Variants in DIP2C observed in about 807,000 individuals in gnomAD.
DIP2C encodes DIP2 acetate--CoA ligase C (putative), also known as disco-interacting protein 2 homolog C.
Under a neutral mutation model 192.4 loss-of-function variants are expected in DIP2C, and 33 were observed. That is an observed-to-expected ratio of 0.17 (90% CI 0.13 to 0.23). The LOEUF is 0.23. Among genes scored for constraint, DIP2C ranks in the 10% least tolerant of loss-of-function variants. The probability of loss-of-function intolerance (pLI) is 1.00; values close to 1 mark genes in which losing one functional copy is unlikely to be tolerated. For missense variants in DIP2C, 1,537 were observed against 2,110.1 expected (o/e 0.73, Z 5.32); for synonymous variants, 979 against 864.1 (o/e 1.13, Z -2.33).
At position 561,122 on chromosome 10, in the gene DIP2C, A is replaced by G. The variant is rs373973245; in HGVS notation, c.86-74592T>C. Reference sequence around the variant, plus strand: ...TGTCTCATGTCTCCCTAAAAGGTACAAAACCAGGCTGTGCTCTGACCACCT... The same window carrying G: ...TGTCTCATGTCTCCCTAAAAGGTACGAAACCAGGCTGTGCTCTGACCACCT... On this transcript the variant is annotated intron_variant, in intron 1 of 36. Coordinates refer to ENST00000280886, the MANE Select transcript of DIP2C (RefSeq NM_014974.3). 5.7e-4 allele frequency among the ~76,000 whole-genome samples: 87 copies of G among 152,360 alleles called. 1 individual carries two copies. The highest frequency in any genetic ancestry group is 2.0e-3 in the African/African-American group (85 of 41,574).
intron 1 of DIP2C, among the ~76,000 whole-genome samples, chr10:681,125 A>G (rs7083682): frequency 0.045 from 6,854 of 152,108 alleles, 473 homozygotes; most frequent in African/African-American, 0.15. Context: ...ATTCCGAGGA[A>G]TGCAGACCCT....
At chr10:506,722 C>G (rs531133577) in intron 1 of DIP2C, among the ~76,000 whole-genome samples, 5 of 152,210 alleles carry the variant, frequency 3.3e-5, no homozygotes, top group African/African-American at 1.2e-4. Context: ...TTCTATTTGC[C>G]GGCCACAGCC....
rs1845242657 is a variant in DIP2C, at chr10:501,713, A to G, written c.86-15183T>C. 3.3e-5 allele frequency among the ~76,000 whole-genome samples: 5 copies of G among 152,310 alleles called. No homozygotes were observed. The South Asian group carries it at 1.0e-3, about 32-fold the overall frequency. On this transcript the variant is annotated intron_variant, in intron 1 of 36. Coordinates refer to ENST00000280886, the MANE Select transcript of DIP2C (RefSeq NM_014974.3). ...CGGAGAAACACAACTGAGTGAAATT[A>G]CATTGAATTCAACACATAGGCACCG...
intron 1 of DIP2C, among the ~76,000 whole-genome samples, chr10:579,862 T>C (rs1236363124): frequency 1.3e-5 from 2 of 152,050 alleles, no homozygotes; most frequent in Admixed American, 6.5e-5. Context: ...TGTACATGCA[T>C]ATGTACACTA....
intron 1 of DIP2C, among the ~76,000 whole-genome samples, chr10:607,606 C>G (rs1033496467): frequency 4.6e-5 from 7 of 152,288 alleles, no homozygotes; most frequent in Non-Finnish European, 8.8e-5. Context: ...GTGCATTTGA[C>G]ATAATAGTTT....
intron 4 of DIP2C, among the ~76,000 whole-genome samples, chr10:428,725 G>A (rs917347790): frequency 1.3e-5 from 2 of 151,964 alleles, no homozygotes; most frequent in Admixed American, 6.6e-5. Context: ...AAAGGCTCCT[G>A]CTCTTTTCTC....
At chr10:426,144 A>G (rs1399181774) in intron 4 of DIP2C, among the ~76,000 whole-genome samples, 1 of 152,202 alleles carries the variant, frequency 6.6e-6, no homozygotes, top group Non-Finnish European at 1.5e-5. Context: ...AATGTTTTGC[A>G]TTACTAAAAA....
intron 1 of DIP2C, among the ~76,000 whole-genome samples, chr10:487,133 C>G (rs1052209497): frequency 1.3e-5 from 2 of 152,182 alleles, no homozygotes; most frequent in Non-Finnish European, 2.9e-5. Context: ...GCCACGGACG[C>G]GCAGCAGCCA....
At chr10:369,963 GCTCT>G in intron 17 of DIP2C, 1 of 985,352 alleles carries the variant, frequency 1.0e-6, no homozygotes, top group Non-Finnish European at 1.2e-6. Context: ...GCACAGACCA[GCTCT>G]CTCTTTCCTC....
intron 28 of DIP2C, among the ~76,000 whole-genome samples, chr10:343,602 A>G (rs1958268379): frequency 6.6e-6 from 1 of 152,200 alleles, no homozygotes; most frequent in Admixed American, 6.5e-5. Flanking sequence ...TTTAAGGCAA[A>G]TTTTTGTTTA....
At chr10:356,547 G>A (rs768322557) in intron 23 of DIP2C, 41 bp from the exon 24 acceptor site, 1 of 1,568,344 alleles carries the variant, frequency 6.4e-7, no homozygotes, top group Non-Finnish European at 8.7e-7. Flanking sequence ...CTGTGCGGTT[G>A]GATCAGGCTG....
At position 366,424 on chromosome 10, in the gene DIP2C, A is replaced by G. The variant is rs1960215213; in HGVS notation, c.2132-13T>C. On this transcript the variant is annotated splice_polypyrimidine_tract_variant and intron_variant, in intron 18 of 36. Coordinates refer to ENST00000280886, the MANE Select transcript of DIP2C (RefSeq NM_014974.3). ...GAACACATGATGGCTAAAAGCAAAC[A>G]GGAAAGCACATGCAGTGTGAGAGGG... The G allele has an allele frequency of 6.2e-7, 1 of 1,614,142 alleles. No homozygotes were observed. The highest frequency in any genetic ancestry group is 8.5e-7 in the Non-Finnish European group (1 of 1,180,016).
intron 3 of DIP2C, among the ~76,000 whole-genome samples, chr10:449,246 C>T (rs1315158240): frequency 1.3e-5 from 2 of 152,186 alleles, no homozygotes; most frequent in African/African-American, 4.8e-5. Context: ...GCATCCTTTA[C>T]CACTTAAGGG....
intron 14 of DIP2C, among the ~76,000 whole-genome samples, chr10:387,094 A>G (rs901366021): frequency 6.6e-6 from 1 of 152,196 alleles, no homozygotes; most frequent in Non-Finnish European, 1.5e-5. Context: ...ACAAACAGAA[A>G]CATCCAGCTA....
chr10:662,746 A>G (rs1414892710), intron 1 of DIP2C: 5 of 622,646 alleles, frequency 8.0e-6, no homozygotes, highest in Non-Finnish European at 1.2e-5. Context: ...AAAGGTTTCA[A>G]ATCTAACTTA....
chr10:352,610 G>C (rs1958877413), intron 24 of DIP2C, among the ~76,000 whole-genome samples: 1 of 152,220 alleles, frequency 6.6e-6, no homozygotes, highest in African/African-American at 2.4e-5. Flanking sequence ...TCCATGGCCA[G>C]GCAGGGCCAT....
chr10:415,936 A>T, intron 6 of DIP2C, 48 bp from the exon 7 acceptor site: 1 of 1,611,464 alleles, frequency 6.2e-7, no homozygotes. Flanking sequence ...TCACAGCTTC[A>T]ATGAGCACCC....
At chr10:303,374 A>G (rs1174540653) in intron 32 of DIP2C, among the ~76,000 whole-genome samples, 3 of 152,254 alleles carry the variant, frequency 2.0e-5, no homozygotes, top group Admixed American at 2.0e-4. Flanking sequence ...CCCTTGTTAA[A>G]TAAATTAACC....
chr10:548,208 A>ACCCCCACCCC, intron 1 of DIP2C, among the ~76,000 whole-genome samples: 1 of 58,276 alleles, frequency 1.7e-5, no homozygotes, highest in African/African-American at 6.3e-5. Context: ...AGTCTGCCCC[A>ACCCCCACCCC]CCCCCCCCCC....
Sources: gnomAD v4.1 joint callset for allele counts (sites outside exome capture counted in the v4.1 genomes callset) on GRCh38, gnomAD v4.1.1 for gene constraint, MANE v1.5 for transcripts, NCBI Gene and HGNC (gene_info 2026-07-23, HGNC 2026-07-21) for gene names.